Variants in LARP1 observed in about 807,000 individuals in gnomAD.
LARP1 encodes the protein la-related protein 1.
In LARP1, 36 loss-of-function variants were observed where a neutral mutation model predicts 122.7. That is an observed-to-expected ratio of 0.29 (90% CI 0.22 to 0.39). The LOEUF (loss-of-function observed/expected upper bound fraction) is 0.39, where lower values mean the gene tolerates loss of function less well. Among genes scored for constraint, LARP1 ranks in the 10% least tolerant of loss-of-function variants. The probability of loss-of-function intolerance (pLI) is 1.00; values close to 1 mark genes in which losing one functional copy is unlikely to be tolerated. For missense variants in LARP1, 1,040 were observed against 1,403.6 expected (o/e 0.74, Z 4.14); for synonymous variants, 539 against 528.7 (o/e 1.02, Z -0.27).
intron 1 of LARP1, among the ~76,000 whole-genome samples, chr5:154,781,656 C>T (rs1192001281): frequency 1.3e-5 from 2 of 152,140 alleles, no homozygotes; most frequent in African/African-American, 4.8e-5. Flanking sequence ...ACTTTGGCAT[C>T]ATGCAAAGAC....
Position 154,811,360 on chromosome 5 carries a change from A to T in LARP1, c.2953+4A>T. 6.2e-7 allele frequency: 1 copy of T among 1,613,940 alleles called. No individual in the cohort carries two copies. The highest frequency in any genetic ancestry group is 1.3e-5 in the African/African-American group (1 of 75,044). ...ACGGTGAAGGACTATGAAGCTGGTA[A>T]GAGCCAGAGTTGGATCTGAGTGAGG... On this transcript the variant is annotated splice_donor_region_variant and intron_variant, in intron 17 of 18. Transcript: ENST00000518297.
Position 154,755,534 on chromosome 5 carries a change from G to A in LARP1, c.-224G>A, listed in dbSNP as rs1190020790. 4.1e-6 allele frequency: 4 copies of A among 986,584 alleles called. No individual in the cohort carries two copies. Among genetic ancestry groups the A allele is most frequent in the Middle Eastern group, 2.8e-4 (1 of 3,564 alleles). 61.1% of individuals were successfully genotyped at this position (986,584 alleles called of 1,614,324 possible). On this transcript the variant is annotated 5_prime_UTR_variant, in exon 1 of 19. The change creates a new upstream start codon in the 5' untranslated region. Transcript: ENST00000518297. ...ACGCCTAGGAGGCCTGGACTGCAGA[G>A]TGGGGGGCCTTCCTCCCCCCCCGCC...
intron 1 of LARP1, among the ~76,000 whole-genome samples, chr5:154,737,018 T>C (rs1756938739): frequency 6.6e-6 from 1 of 152,154 alleles, no homozygotes; most frequent in African/African-American, 2.4e-5. Flanking sequence ...GCCATCCTAA[T>C]GTGTGTGAGG....
chr5:154,695,117 C>T (rs911989405), intron 1 of LARP1, among the ~76,000 whole-genome samples: 9 of 152,120 alleles, frequency 5.9e-5, no homozygotes, highest in African/African-American at 1.9e-4. Context: ...AGATCGAGAC[C>T]AATCTGGCTA....
intron 1 of LARP1, among the ~76,000 whole-genome samples, chr5:154,765,396 C>G (rs1754854068): frequency 1.3e-5 from 2 of 152,142 alleles, no homozygotes; most frequent in Admixed American, 1.3e-4. Flanking sequence ...TCCCCACTGC[C>G]CCCCGCCGCC....
intron 1 of LARP1, among the ~76,000 whole-genome samples, chr5:154,742,864 T>C (rs1393693349): frequency 6.6e-6 from 1 of 152,130 alleles, no homozygotes; most frequent in Non-Finnish European, 1.5e-5. Context: ...CTTGGTCTCC[T>C]AGGAAGTAGC....
At chr5:154,804,865 G>T (rs1380456185) in intron 14 of LARP1, 2 of 456,178 alleles carry the variant, frequency 4.4e-6, no homozygotes, top group East Asian at 1.4e-4. Flanking sequence ...CTGCAGAGAT[G>T]GCACAGACTG....
chr5:154,716,309 T>C (rs1372002675), intron 1 of LARP1, among the ~76,000 whole-genome samples: 2 of 152,004 alleles, frequency 1.3e-5, no homozygotes, highest in Non-Finnish European at 2.9e-5. Context: ...TTAGTAGAGA[T>C]GGGGTTTTGC....
At chr5:154,793,539 T>A in intron 4 of LARP1, 56 bp from the exon 5 acceptor site, 3 of 1,610,760 alleles carry the variant, frequency 1.9e-6, no homozygotes, top group South Asian at 1.1e-5. Flanking sequence ...TGGGTAGAGC[T>A]GGCTAGGAGT....
At chr5:154,702,051 C>T (rs923085444) in intron 1 of LARP1, among the ~76,000 whole-genome samples, 4 of 152,256 alleles carry the variant, frequency 2.6e-5, no homozygotes, top group Non-Finnish European at 5.9e-5. Context: ...AGGAGACATC[C>T]TGATGATACT....
intron 1 of LARP1, among the ~76,000 whole-genome samples, chr5:154,760,385 AT>A (rs934136149): frequency 2.6e-5 from 4 of 152,216 alleles, no homozygotes; most frequent in African/African-American, 9.6e-5. Flanking sequence ...AGTATCAAAA[AT>A]TTTTTTCTAA....
chr5:154,784,119 T>C (rs112750064), intron 1 of LARP1, among the ~76,000 whole-genome samples: 180 of 152,324 alleles, frequency 1.2e-3, no homozygotes, highest in African/African-American at 4.0e-3. Context: ...GGGTTGAGGC[T>C]ATAACCTCAG....
At chr5:154,690,216 C>T (rs1754129292) in intron 1 of LARP1, among the ~76,000 whole-genome samples, 1 of 152,030 alleles carries the variant, frequency 6.6e-6, no homozygotes, top group Non-Finnish European at 1.5e-5. Context: ...TTAGACAATG[C>T]CAGCTGTGGT....
At chr5:154,707,924 T>G (rs1009370169), upstream of LARP1, among the ~76,000 whole-genome samples, 1 of 152,200 alleles carries the variant, frequency 6.6e-6, no homozygotes, top group African/African-American at 2.4e-5. Context: ...TATTCTGCCT[T>G]GACTTTAATC....
chr5:154,805,808 C>A, intron 14 of LARP1, 73 bp from the exon 15 acceptor site: 1 of 1,517,600 alleles, frequency 6.6e-7, no homozygotes. Context: ...CAGAACGGAT[C>A]AGAGGGACCC....
intron 1 of LARP1, among the ~76,000 whole-genome samples, chr5:154,773,906 G>C (rs1755649109): frequency 6.6e-6 from 1 of 152,158 alleles, no homozygotes; most frequent in African/African-American, 2.4e-5. Context: ...GGGTTGGCCT[G>C]AGTCAGGTTG....
intron 1 of LARP1, among the ~76,000 whole-genome samples, chr5:154,695,382 A>G (rs1754421547): frequency 1.3e-5 from 2 of 151,872 alleles, no homozygotes; most frequent in Non-Finnish European, 2.9e-5. Context: ...CATTAATATC[A>G]CAATATGGCT....
intron 1 of LARP1, among the ~76,000 whole-genome samples, chr5:154,688,991 A>T (rs1343686684): frequency 2.0e-5 from 3 of 152,274 alleles, no homozygotes; most frequent in Non-Finnish European, 4.4e-5. Context: ...CTATATATTG[A>T]CACCATTTTT....
chr5:154,704,237 T>C (rs1255640026), intron 1 of LARP1, among the ~76,000 whole-genome samples: 1 of 151,986 alleles, frequency 6.6e-6, no homozygotes, highest in Non-Finnish European at 1.5e-5. Context: ...TTAATGGGAG[T>C]GTGCAAATGG....
Sources: gnomAD v4.1 joint callset for allele counts (sites outside exome capture counted in the v4.1 genomes callset) on GRCh38, gnomAD v4.1.1 for gene constraint, MANE v1.5 for transcripts, NCBI Gene and HGNC (gene_info 2026-07-23, HGNC 2026-07-21) for gene names.